RIT2: variants seen among roughly 807,000 people sequenced by gnomAD.
The protein encoded by RIT2 is Ras like without CAAX 2.
Under a neutral mutation model 23.7 loss-of-function variants are expected in RIT2, and 24 were observed. The observed-to-expected ratio is 1.01, with a 90% CI of 0.73 to 1.43. The LOEUF is 1.43. Ranked by LOEUF, RIT2 falls within the 40% of genes most tolerant of loss-of-function variation. The probability of loss-of-function intolerance (pLI) is 0.00; values close to 1 mark genes in which losing one functional copy is unlikely to be tolerated. For missense variants in RIT2, 236 were observed against 266.9 expected (o/e 0.88, Z 0.81); for synonymous variants, 107 against 91.1 (o/e 1.17, Z -0.99).
chr18:43,025,130 C>T (rs1032965632), intron 2 of RIT2, among the ~76,000 whole-genome samples: 1 of 151,632 alleles, frequency 6.6e-6, no homozygotes, highest in African/African-American at 2.4e-5. Context: ...ATTTCTTGAA[C>T]CCAGGAGGCC....
At chr18:43,021,499 G>T (rs1911597217) in intron 2 of RIT2, among the ~76,000 whole-genome samples, 3 of 152,064 alleles carry the variant, frequency 2.0e-5, no homozygotes, top group Admixed American at 2.0e-4. Flanking sequence ...AGGTTGAGTT[G>T]TTATCCCCAG....
chr18:42,757,161 T>C (rs1255977026), intron 4 of RIT2, among the ~76,000 whole-genome samples: 2 of 152,200 alleles, frequency 1.3e-5, no homozygotes, highest in Non-Finnish European at 2.9e-5. Context: ...AAACCCTCCA[T>C]GAATTAACTA....
At chr18:42,927,041 T>C (rs1909196525) in intron 3 of RIT2, among the ~76,000 whole-genome samples, 1 of 151,956 alleles carries the variant, frequency 6.6e-6, no homozygotes, top group Admixed American at 6.6e-5. Flanking sequence ...AGAGAAGAGA[T>C]GTTAAAATGC....
At chr18:43,115,388 C>T (rs746128980) in intron 1 of RIT2, 29 bp downstream of exon 1, 29 of 1,611,986 alleles carry the variant, frequency 1.8e-5, no homozygotes, top group Non-Finnish European at 2.5e-5. Context: ...GAGGTCCCTC[C>T]TTCCCCAGCA....
chr18:43,069,968 A>G (rs886738464), intron 1 of RIT2, among the ~76,000 whole-genome samples: 2 of 152,134 alleles, frequency 1.3e-5, no homozygotes, highest in Non-Finnish European at 2.9e-5. Context: ...ATTATATTGT[A>G]TCATATTGTA....
intron 4 of RIT2, among the ~76,000 whole-genome samples, chr18:42,808,008 C>T (rs1431146839): frequency 6.6e-6 from 1 of 152,122 alleles, no homozygotes; most frequent in East Asian, 1.9e-4. Context: ...GAAAGAGCCC[C>T]GCAGATCCTA....
chr18:42,921,107 C>A (rs1909045356), intron 4 of RIT2, among the ~76,000 whole-genome samples: 1 of 152,066 alleles, frequency 6.6e-6, no homozygotes, highest in Non-Finnish European at 1.5e-5. Flanking sequence ...CCTCATTCTT[C>A]AAATGCTTGG....
At chr18:42,899,084 AT>A (rs1908407498) in intron 4 of RIT2, among the ~76,000 whole-genome samples, 1 of 151,988 alleles carries the variant, frequency 6.6e-6, no homozygotes. Flanking sequence ...CCAGTTCCTC[AT>A]AAAAATCAAA....
At chr18:42,997,347 G>C (rs551296439) in intron 2 of RIT2, among the ~76,000 whole-genome samples, 25 of 151,800 alleles carry the variant, frequency 1.6e-4, no homozygotes, top group African/African-American at 5.3e-4. Flanking sequence ...ACTGCATTTG[G>C]GGGGGAAGAA....
chr18:43,009,896 T>C, intron 2 of RIT2, among the ~76,000 whole-genome samples: 1 of 151,714 alleles, frequency 6.6e-6, no homozygotes, highest in Non-Finnish European at 1.5e-5. Flanking sequence ...AATGAGCATC[T>C]TGGAGAGTGT....
At chr18:43,072,018 C>T (rs1461059352) in intron 1 of RIT2, among the ~76,000 whole-genome samples, 3 of 152,052 alleles carry the variant, frequency 2.0e-5, no homozygotes, top group South Asian at 2.1e-4. Flanking sequence ...TGGAGTCTCA[C>T]TCTGTCTCCC....
intron 1 of RIT2, among the ~76,000 whole-genome samples, chr18:43,042,472 G>T (rs1273301794): frequency 6.6e-6 from 1 of 152,036 alleles, no homozygotes; most frequent in African/African-American, 2.4e-5. Context: ...GTCTTTGTTG[G>T]TGCTTCTACC....
At chr18:42,885,767 C>A (rs1348764600) in intron 4 of RIT2, among the ~76,000 whole-genome samples, 5 of 152,116 alleles carry the variant, frequency 3.3e-5, no homozygotes, top group Admixed American at 3.3e-4. Flanking sequence ...CACTTAAATG[C>A]AAGACATTTT....
At chr18:42,904,196 C>T (rs1477125283) in intron 4 of RIT2, among the ~76,000 whole-genome samples, 1 of 152,106 alleles carries the variant, frequency 6.6e-6, no homozygotes, top group Non-Finnish European at 1.5e-5. Flanking sequence ...TTCTATATTG[C>T]ATCATAAACC....
At chr18:42,808,924 A>C (rs1598662644) in intron 4 of RIT2, among the ~76,000 whole-genome samples, 1 of 152,290 alleles carries the variant, frequency 6.6e-6, no homozygotes, top group South Asian at 2.1e-4. Flanking sequence ...CAAGCTTTAC[A>C]GTAAAGATCT....
At chr18:42,789,820 T>A (rs539847767) in intron 4 of RIT2, among the ~76,000 whole-genome samples, 28 of 152,230 alleles carry the variant, frequency 1.8e-4, no homozygotes, top group South Asian at 1.0e-3. Flanking sequence ...TATTTAATTA[T>A]CTTGCCCGAT....
intron 1 of RIT2, among the ~76,000 whole-genome samples, chr18:43,096,883 C>A (rs961591601): frequency 4.0e-5 from 6 of 151,718 alleles, no homozygotes; most frequent in East Asian, 3.9e-4. Flanking sequence ...ATTTTGAGTT[C>A]TTTGGGAAAG....
chr18:43,062,073 G>A (rs530802406), intron 1 of RIT2, among the ~76,000 whole-genome samples: 14 of 152,154 alleles, frequency 9.2e-5, no homozygotes, highest in Admixed American at 6.5e-4. Flanking sequence ...GCTGAGCTAC[G>A]GGAGTGAAGA....
chr18:42,978,799 A>G (rs1463630816), intron 2 of RIT2, among the ~76,000 whole-genome samples: 1 of 152,170 alleles, frequency 6.6e-6, no homozygotes, highest in East Asian at 1.9e-4. Flanking sequence ...AAATCACTAA[A>G]GACCTATATT....
Sources: allele counts gnomAD v4.1 joint callset (sites outside exome capture counted in the v4.1 genomes callset), GRCh38; gene constraint gnomAD v4.1.1; transcripts MANE v1.5; gene names NCBI Gene and HGNC (gene_info 2026-07-23, HGNC 2026-07-21).